Variants in BMPR1B observed in about 807,000 individuals in gnomAD.
BMPR1B encodes the protein bone morphogenetic protein receptor type-1B.
A neutral mutation model predicts 59.1 loss-of-function variants in BMPR1B; 12 were observed. The observed-to-expected ratio is 0.20, with a 90% confidence interval of 0.13 to 0.33. The LOEUF (loss-of-function observed/expected upper bound fraction) is 0.33, where lower values mean the gene tolerates loss of function less well. Ranked by LOEUF, BMPR1B falls within the 10% of genes least tolerant of loss-of-function variation. The probability of loss-of-function intolerance (pLI) is 1.00; values close to 1 mark genes in which losing one functional copy is unlikely to be tolerated. For missense variants in BMPR1B, 550 were observed against 610.9 expected, an observed-to-expected ratio of 0.90 and a Z score of 1.05; for synonymous variants, 237 against 207.3, an observed-to-expected ratio of 1.14 and a Z score of -1.23.
chr4:94,902,237 C>CAT (rs1727850143), intron 2 of BMPR1B, among the ~76,000 whole-genome samples: 1 of 95,894 alleles, frequency 1.0e-5, no homozygotes, highest in African/African-American at 4.4e-5. Flanking sequence ...CACACACACA[C>CAT]ACACACACAC....
intron 2 of BMPR1B, among the ~76,000 whole-genome samples, chr4:94,931,104 G>C (rs1371349278): frequency 3.9e-5 from 6 of 151,942 alleles, no homozygotes; most frequent in Admixed American, 1.3e-4. Flanking sequence ...CGTGATTCTG[G>C]CCTCTGACTT....
chr4:94,837,767 T>C lies in BMPR1B; in HGVS notation c.-182-38064T>C, dbSNP rs534399151. ...CCCTTTATTTCCTTCTCCTGCCTAA[T>C]TGCCCTGGCCAGAACTTCCAACACC... On this transcript the variant is annotated intron_variant, in intron 1 of 12. Transcript: ENST00000515059. 1.8e-4 allele frequency among the ~76,000 whole-genome samples: 25 copies of C among 142,718 alleles called. No homozygotes were observed. The South Asian group carries it at 4.0e-3, about 23-fold the overall frequency. 93.6% of individuals were successfully genotyped at this position (142,718 alleles called of 152,430 possible).
chr4:95,025,832 A>G (rs561202314), intron 3 of BMPR1B, among the ~76,000 whole-genome samples: 1 of 152,312 alleles, frequency 6.6e-6, no homozygotes, highest in East Asian at 1.9e-4. Context: ...TGTTTACTGT[A>G]GGATAGTTTA....
intron 1 of BMPR1B, among the ~76,000 whole-genome samples, chr4:94,772,480 G>A (rs1180555435): frequency 6.6e-6 from 1 of 152,028 alleles, no homozygotes; most frequent in Non-Finnish European, 1.5e-5. Flanking sequence ...AAGTAAAATA[G>A]CAAATTTGCT....
At chr4:95,029,708 G>T (rs1237665257) in intron 3 of BMPR1B, among the ~76,000 whole-genome samples, 17 of 152,050 alleles carry the variant, frequency 1.1e-4, no homozygotes, top group African/African-American at 1.9e-4. Context: ...CCATAATGGT[G>T]GAACTAGTTT....
In BMPR1B at chr4:94,905,817, A is replaced by G. The variant is rs1375371357; in HGVS notation, c.-113+29917A>G. The stretch of plus-strand genomic sequence containing the variant: ...TCCCTGTCTCTCTGATTTTCTTTGC[A>G]TTTACTTCTTTATCTTGATGGAAAA... On this transcript the variant is annotated intron_variant, in intron 2 of 12. Transcript: ENST00000515059. Among the ~76,000 whole-genome samples, 3 of 151,578 alleles carry G rather than the reference A, an allele frequency of 2.0e-5. No individual in the cohort carries two copies. The South Asian group carries it at 6.2e-4, about 32-fold the overall frequency.
chr4:94,844,874 G>C (rs987011434), intron 1 of BMPR1B, among the ~76,000 whole-genome samples: 1 of 152,194 alleles, frequency 6.6e-6, no homozygotes, highest in African/African-American at 2.4e-5. Flanking sequence ...AGTGCAAATT[G>C]ATGAGATTAA....
At chr4:94,851,014 A>T in intron 1 of BMPR1B, among the ~76,000 whole-genome samples, 1 of 151,678 alleles carries the variant, frequency 6.6e-6, no homozygotes, top group East Asian at 1.9e-4. Context: ...TATTAGATAA[A>T]TAAACAGATA....
At chr4:94,860,154 G>A (rs1424163795) in intron 1 of BMPR1B, among the ~76,000 whole-genome samples, 2 of 152,142 alleles carry the variant, frequency 1.3e-5, no homozygotes, top group South Asian at 2.1e-4. Flanking sequence ...GGGATTGTAA[G>A]TTGAAAGAAT....
chr4:94,957,482 T>A (rs983407834), intron 2 of BMPR1B, among the ~76,000 whole-genome samples: 3 of 152,032 alleles, frequency 2.0e-5, no homozygotes, highest in African/African-American at 7.2e-5. Flanking sequence ...CTTGTAGTGC[T>A]GTTTGCAATT....
At chr4:95,099,617 C>T (rs990708612) in intron 3 of BMPR1B, among the ~76,000 whole-genome samples, 5 of 152,240 alleles carry the variant, frequency 3.3e-5, no homozygotes, top group South Asian at 2.1e-4. Flanking sequence ...CGCACACACA[C>T]GCACACACAC....
chr4:95,127,988 G>A (rs1191762020), intron 8 of BMPR1B, among the ~76,000 whole-genome samples: 5 of 151,614 alleles, frequency 3.3e-5, no homozygotes, highest in South Asian at 2.1e-4. Context: ...AGGCTCAAGC[G>A]ATCCTCCCAC....
intron 2 of BMPR1B, among the ~76,000 whole-genome samples, chr4:94,881,294 C>A (rs1032077059): frequency 6.6e-6 from 1 of 152,022 alleles, no homozygotes; most frequent in East Asian, 1.9e-4. Flanking sequence ...TAAGACCTCT[C>A]CCCCACAAAC....
intron 8 of BMPR1B, among the ~76,000 whole-genome samples, 158 bp from the exon 9 acceptor site, chr4:95,129,704 A>G (rs1248418618): frequency 2.6e-5 from 4 of 152,222 alleles, no homozygotes; most frequent in Non-Finnish European, 5.9e-5. Context: ...AGAGTGTAAC[A>G]TAAATTAATA....
At chr4:94,837,598 A>G (rs1391319971) in intron 1 of BMPR1B, among the ~76,000 whole-genome samples, 5 of 141,950 alleles carry the variant, frequency 3.5e-5, no homozygotes, top group African/African-American at 1.3e-4. Context: ...TGATTTTTGT[A>G]CATTGATTTT....
intron 3 of BMPR1B, 136 bp downstream of exon 3, chr4:94,996,270 T>C (rs1722048650): frequency 6.6e-6 from 1 of 152,286 alleles, no homozygotes; most frequent in Non-Finnish European, 1.5e-5. Flanking sequence ...AGAATGTTGT[T>C]GGTGGCAGAG....
At chr4:94,881,991 C>T (rs1008405580) in intron 2 of BMPR1B, among the ~76,000 whole-genome samples, 2 of 152,108 alleles carry the variant, frequency 1.3e-5, no homozygotes, top group Non-Finnish European at 1.5e-5. Flanking sequence ...GGAAAATACC[C>T]GATTCTCATC....
intron 1 of BMPR1B, among the ~76,000 whole-genome samples, chr4:94,826,760 T>C (rs1724398248): frequency 6.6e-6 from 1 of 152,184 alleles, no homozygotes; most frequent in Non-Finnish European, 1.5e-5. Context: ...AAGGTAAATA[T>C]ATGCTTATAA....
intron 1 of BMPR1B, among the ~76,000 whole-genome samples, chr4:94,832,409 A>C (rs1004275575): frequency 1.3e-5 from 2 of 152,298 alleles, no homozygotes; most frequent in East Asian, 3.9e-4. Flanking sequence ...TAGAGTCCCC[A>C]GTGGTTAATA....
Sources: allele counts gnomAD v4.1 joint callset (sites outside exome capture counted in the v4.1 genomes callset), GRCh38; gene constraint gnomAD v4.1.1; transcripts MANE v1.5; gene names NCBI Gene and HGNC (gene_info 2026-07-23, HGNC 2026-07-21).